Variants in AMBRA1 observed in about 807,000 individuals in gnomAD.
The protein encoded by AMBRA1 is autophagy and beclin 1 regulator 1.
In AMBRA1, 47 loss-of-function variants were observed where a neutral mutation model predicts 125.4. That is an observed-to-expected ratio of 0.37 (90% confidence interval 0.30 to 0.48). AMBRA1 has a LOEUF of 0.48. AMBRA1 is among the 20% of genes least tolerant of loss of function. The pLI is 0.99. For missense variants in AMBRA1, 1,331 were observed against 1,693.4 expected (o/e 0.79, Z 3.76); for synonymous variants, 626 against 655.5 (o/e 0.95, Z 0.69).
chr11:46,507,389 G>C (rs1420359575), intron 9 of AMBRA1, among the ~76,000 whole-genome samples: 3 of 150,444 alleles, frequency 2.0e-5, no homozygotes, highest in African/African-American at 7.4e-5. Flanking sequence ...TGAGGCAGGA[G>C]AATGGCGTGA....
chr11:46,514,063 A>C (rs1459204166), intron 7 of AMBRA1, among the ~76,000 whole-genome samples: 1 of 152,094 alleles, frequency 6.6e-6, no homozygotes, highest in Non-Finnish European at 1.5e-5. Context: ...AGGAACGCAT[A>C]TTGTTCCTCT....
chr11:46,411,394 C>A (rs1208339908), intron 15 of AMBRA1, among the ~76,000 whole-genome samples: 2 of 151,706 alleles, frequency 1.3e-5, no homozygotes, highest in Non-Finnish European at 2.9e-5. Flanking sequence ...GGACTGTGTC[C>A]CAGGAGGTCC....
chr11:46,519,542 A>G (rs1591015651), intron 7 of AMBRA1, among the ~76,000 whole-genome samples: 1 of 152,208 alleles, frequency 6.6e-6, no homozygotes, highest in Admixed American at 6.5e-5. Context: ...ATCAATTGCT[A>G]GAACTCTCTG....
chr11:46,528,778 C>T (rs1952088903), intron 7 of AMBRA1, among the ~76,000 whole-genome samples: 1 of 152,106 alleles, frequency 6.6e-6, no homozygotes, highest in South Asian at 2.1e-4. Context: ...ATCACAGACA[C>T]ACGTACACGA....
At chr11:46,443,449 T>TAACC (rs768384290) in intron 12 of AMBRA1, 39 bp downstream of exon 12, 1 of 1,542,610 alleles carries the variant, frequency 6.5e-7, no homozygotes, top group South Asian at 1.1e-5. Flanking sequence ...CCAGCAAATA[T>TAACC]AACCCTTCCA....
intron 7 of AMBRA1, among the ~76,000 whole-genome samples, chr11:46,532,652 G>T (rs1216093351): frequency 2.0e-5 from 3 of 152,262 alleles, no homozygotes; most frequent in South Asian, 4.1e-4. Context: ...GGCCAGGCTG[G>T]TCTCAAACTC....
At chr11:46,437,147 G>T (rs1206945735) in intron 12 of AMBRA1, among the ~76,000 whole-genome samples, 9 of 152,164 alleles carry the variant, frequency 5.9e-5, no homozygotes, top group Non-Finnish European at 1.2e-4. Flanking sequence ...CGGAGACAAG[G>T]TGTGCAGAGG....
intron 11 of AMBRA1, among the ~76,000 whole-genome samples, chr11:46,479,836 T>C (rs955552446): frequency 3.5e-4 from 54 of 152,168 alleles, no homozygotes; most frequent in African/African-American, 1.0e-3. Flanking sequence ...ATCAGTTTTC[T>C]ATAACTGCCA....
At chr11:46,501,076 C>A (rs558292407) in intron 9 of AMBRA1, among the ~76,000 whole-genome samples, 2 of 152,350 alleles carry the variant, frequency 1.3e-5, no homozygotes, top group South Asian at 4.1e-4. Context: ...CCACACCTAT[C>A]AACAAAGCAA....
chr11:46,541,039 C>T lies in AMBRA1; in HGVS notation c.2072+906G>A, dbSNP rs11601182. 5.4e-3 allele frequency among the ~76,000 whole-genome samples: 815 copies of T among 152,300 alleles called. 4 individuals are homozygous for T. Among genetic ancestry groups the T allele is most frequent in the Non-Finnish European group, 9.6e-3 (655 of 68,024 alleles). On this transcript the variant is annotated intron_variant, in intron 7 of 17. Coordinates refer to ENST00000683756, the MANE Select transcript of AMBRA1 (RefSeq NM_001387011.1). ...TATGTCAGAGAAATTTCAGTTGCTT[C>T]GACAGAGGATGTAATGCAGCGCAAT...
In AMBRA1 at chr11:46,558,305, C is replaced by G. The variant is rs1409211210; in HGVS notation, c.-120-9805G>C. On this transcript the variant is annotated intron_variant, in intron 1 of 17. Coordinates refer to ENST00000683756, the MANE Select transcript of AMBRA1 (RefSeq NM_001387011.1). Reference sequence around the variant, plus strand: ...GTCGCTCACACCTGTAATCCCAGCACTTTGGGAGGCCGAGGCAGGCAGATC... The same window carrying G: ...GTCGCTCACACCTGTAATCCCAGCAGTTTGGGAGGCCGAGGCAGGCAGATC... Among the ~76,000 whole-genome samples the G allele has an allele frequency of 4.0e-5, 6 of 151,878 alleles. No homozygotes were observed. In the East Asian group the frequency reaches 1.2e-3, roughly 30 times the overall value.
rs771657339 is a variant in AMBRA1 at position 46,542,917 on chromosome 11, C to T, written c.1100G>A (p.Arg367Gln). Reference sequence around the variant, plus strand: ...CTGGACTGTACTGAAGGCAGACGGCCGGTTCAGGAGGCCCTGGTCCTGCTG... The same window carrying T: ...CTGGACTGTACTGAAGGCAGACGGCTGGTTCAGGAGGCCCTGGTCCTGCTG... ...STQQDQGLLNRPSAFSTVQSS... is the reference protein window; with the variant it reads ...STQQDQGLLNQPSAFSTVQSS... Residue 367 changes from arginine (R) to glutamine (Q), a missense_variant, in exon 7 of 18, where the codon CGG becomes CAG. By Grantham distance (43) the Arg-to-Gln change is conservative. This residue lies in a region of AMBRA1 where 689 missense variants were observed against 776.5 expected (regional missense o/e 0.89). Coordinates refer to ENST00000683756, the MANE Select transcript of AMBRA1 (RefSeq NM_001387011.1). The surrounding 1 kb of genome is among the most constrained non-coding windows in gnomAD (Gnocchi z 5.9). 31 of 1,611,390 alleles carry T rather than the reference C, an allele frequency of 1.9e-5. No homozygotes were observed. The highest frequency in any genetic ancestry group is 4.0e-5 in the African/African-American group (3 of 74,880).
rs552593017 is a variant in AMBRA1 at position 46,433,622 on chromosome 11, T to G, written c.2828A>C (p.Asn943Thr). The G allele has an allele frequency of 6.2e-7, 1 of 1,613,668 alleles. No individual in the cohort carries two copies. The highest frequency in any genetic ancestry group is 1.1e-5 in the South Asian group (1 of 91,036). ...EMLYTKRFGP[N>T]AISVSLSPMG... ...TGGGGACAGGCTCACCGAAATGGCA[T>G]TGGGACCTGAGGGCCAACAAAACAG... is the stretch of plus-strand genomic sequence containing the variant. Residue 943 changes from asparagine (N) to threonine (T), a missense_variant, in exon 14 of 18, where the codon AAT (asparagine) becomes ACT (threonine). By Grantham distance (65) the Asn-to-Thr change is moderately conservative. Around this residue, in one of 4 missense-constraint regions of AMBRA1, gnomAD observed 354 missense variants for 532.7 expected, o/e 0.66. Transcript: ENST00000683756.
intron 17 of AMBRA1, 82 bp from the exon 18 acceptor site, chr11:46,398,025 C>T: frequency 6.7e-7 from 1 of 1,492,476 alleles, no homozygotes; most frequent in Non-Finnish European, 8.9e-7. Context: ...CCGGTAGCAG[C>T]TGGGGGATTC....
chr11:46,476,347 G>A (rs983808263), intron 11 of AMBRA1, among the ~76,000 whole-genome samples: 4 of 152,140 alleles, frequency 2.6e-5, no homozygotes, highest in South Asian at 2.1e-4. Flanking sequence ...TGAAGCTGCC[G>A]GCAGAGCAAG....
In AMBRA1 at chr11:46,408,496, C is replaced by T. The variant is rs754360086; in HGVS notation, c.3403+17G>A. The T allele has an allele frequency of 9.9e-6, 15 of 1,510,250 alleles. No homozygotes were observed. The highest frequency in any genetic ancestry group is 6.5e-5 in the South Asian group (5 of 76,454). 93.6% of individuals were successfully genotyped at this position (1,510,250 alleles called of 1,614,324 possible). A position where few individuals can be genotyped will look rare whatever the true frequency, so the allele number is the denominator to read the frequency against. On this transcript the variant is annotated intron_variant, in intron 17 of 17. Coordinates refer to ENST00000683756, the MANE Select transcript of AMBRA1 (RefSeq NM_001387011.1). ...AGGGTCCCTCTCCCACCCCCTCCAG[C>T]GCCACATGGCTCCTACCTTCACCAG...
intron 11 of AMBRA1, among the ~76,000 whole-genome samples, chr11:46,459,112 C>G (rs1164923624): frequency 6.6e-6 from 1 of 152,124 alleles, no homozygotes; most frequent in Non-Finnish European, 1.5e-5. Context: ...CACCACGCAG[C>G]CACTACTAAG....
intron 1 of AMBRA1, among the ~76,000 whole-genome samples, chr11:46,589,214 ATAAC>A (rs2044506632): frequency 6.6e-6 from 1 of 152,200 alleles, no homozygotes; most frequent in African/African-American, 2.4e-5. Context: ...CATGCTGACA[ATAAC>A]TAATCATAAA....
chr11:46,523,473 G>T (rs1565250079), intron 7 of AMBRA1, among the ~76,000 whole-genome samples: 1 of 152,166 alleles, frequency 6.6e-6, no homozygotes, highest in Non-Finnish European at 1.5e-5. Context: ...ACGTCCTCCA[G>T]CATGTCAATC....
Sources: allele counts gnomAD v4.1 joint callset (sites outside exome capture counted in the v4.1 genomes callset), GRCh38; gene constraint gnomAD v4.1.1; regional missense constraint gnomAD v4.1.1; non-coding constraint Gnocchi (gnomAD v3.1); transcripts MANE v1.5; gene names NCBI Gene and HGNC (gene_info 2026-07-23, HGNC 2026-07-21).